Variants in CDK11A observed in about 807,000 individuals in gnomAD.
The protein encoded by CDK11A is cyclin dependent kinase 11A, also known as cyclin-dependent kinase 11A.
Under a neutral mutation model 83.6 loss-of-function variants are expected in CDK11A, and 55 were observed. The ratio of observed to expected loss-of-function variants is 0.66; its 90% CI spans 0.53 to 0.82. CDK11A has a LOEUF of 0.82. Ranked by LOEUF, CDK11A falls within the 40% of genes least tolerant of loss-of-function variation. CDK11A has a pLI of 0.00. For missense variants in CDK11A, 564 were observed against 810.1 expected (o/e 0.70, Z 3.69); for synonymous variants, 247 against 302.7 (o/e 0.82, Z 1.91).
In CDK11A at chr1:1,721,344, A is replaced by G. The variant is rs930564064; in HGVS notation, c.227+252T>C. Among the ~76,000 whole-genome samples the G allele has an allele frequency of 1.1e-4, 17 of 150,972 alleles. 1 individual carries two copies. Among genetic ancestry groups the G allele is most frequent in the Non-Finnish European group, 2.1e-4 (14 of 67,606 alleles). The stretch of plus-strand genomic sequence containing the variant: ...AAGAGTAAACCTCAATAGTTAAAAC[A>G]GCACACCCCGTCACAGTAGCCCTAG... On this transcript the variant is annotated intron_variant, in intron 3 of 19. Transcript: ENST00000404249.
chr1:1,704,512 C>G lies in CDK11A; in HGVS notation c.1564+38G>C, dbSNP rs200259170. 2,252 of 1,591,722 alleles carry G rather than the reference C, an allele frequency of 1.4e-3. 115 individuals are homozygous for G. The Middle Eastern group carries it at 0.021, about 15-fold the overall frequency. On this transcript the variant is annotated intron_variant, in intron 14 of 19. Transcript: ENST00000404249. ...GCGGGGGTGACCAGGACACTGCCCC[C>G]ACTTGTACGCAGACAGGACCCCGGG...
At chr1:1,714,882 G>A (rs1216018895) in intron 5 of CDK11A, among the ~76,000 whole-genome samples, 3 of 148,702 alleles carry the variant, frequency 2.0e-5, no homozygotes, top group East Asian at 2.0e-4. Flanking sequence ...GTCTTTGGCG[G>A]GATCACAGCT....
intron 3 of CDK11A, among the ~76,000 whole-genome samples, 183 bp from the exon 4 acceptor site, chr1:1,719,638 C>CGGAGTCTCGCTCTGTCACCCAGGCT (rs1553177797): frequency 0.019 from 2,670 of 137,294 alleles, 118 homozygotes; most frequent in African/African-American, 0.068. Flanking sequence ...TTTTTTTAGA[C>CGGAGTCTCGCTCTGTCACCCAGGCT]GGAGTCTCGC....
intron 3 of CDK11A, among the ~76,000 whole-genome samples, chr1:1,719,896 T>C (rs139126044): frequency 0.07 from 10,526 of 150,448 alleles, 1,418 homozygotes; most frequent in African/African-American, 0.24. Context: ...ATTACAGGCG[T>C]GAGCCACCGC....
chr1:1,720,898 C>A (rs1342640119), intron 3 of CDK11A, among the ~76,000 whole-genome samples: 1 of 151,088 alleles, frequency 6.6e-6, no homozygotes, highest in Non-Finnish European at 1.5e-5. Flanking sequence ...CACCAGTAAC[C>A]CTAGGAAAGA....
At position 1,718,287 on chromosome 1, in the gene CDK11A, C is replaced by G. The variant is rs1366503334; in HGVS notation, c.355+1041G>C. ...GCTCTCTCTGGTTTTCGGTCTGTGA[C>G]ACACGCATGCTTTCAGCTAGAGTAT... On this transcript the variant is annotated intron_variant, in intron 4 of 19. Coordinates refer to ENST00000404249, the MANE Select transcript of CDK11A (RefSeq NM_024011.4). Among the ~76,000 whole-genome samples, 45 of 147,680 alleles carry G rather than the reference C, an allele frequency of 3.0e-4. 3 individuals carry two copies. The highest frequency in any genetic ancestry group is 1.1e-3 in the African/African-American group (44 of 40,062).
At position 1,710,770 on chromosome 1, in the gene CDK11A, A is replaced by G. The variant is rs547385605; in HGVS notation, c.626-1130T>C. Among the ~76,000 whole-genome samples the G allele has an allele frequency of 2.2e-3, 321 of 143,616 alleles. 8 individuals are homozygous for G. The highest frequency in any genetic ancestry group is 0.019 in the Admixed American group (261 of 14,040). 94.2% of individuals were successfully genotyped at this position (143,616 alleles called of 152,430 possible). A position where few individuals can be genotyped will look rare whatever the true frequency, so the allele number is the denominator to read the frequency against. On this transcript the variant is annotated intron_variant, in intron 6 of 19. Transcript: ENST00000404249. ...AAAATGACGCGTGAACACGACGGAA[A>G]TATCAACAGAGACAGAAGATCCAAC...
chr1:1,706,175 C>T (rs1290262464), intron 11 of CDK11A, among the ~76,000 whole-genome samples: 1 of 150,296 alleles, frequency 6.7e-6, no homozygotes, highest in Admixed American at 6.6e-5. Flanking sequence ...TGGGTTCAGG[C>T]GATTCTCCTG....
intron 3 of CDK11A, 147 bp from the exon 4 acceptor site, chr1:1,719,602 C>T (rs567178780): frequency 7.2e-6 from 3 of 418,976 alleles, no homozygotes; most frequent in East Asian, 9.4e-5. Flanking sequence ...ATTAATTCTC[C>T]AACTTCAGGC....
chr1:1,714,804 C>T (rs1295545834), intron 5 of CDK11A, among the ~76,000 whole-genome samples: 5 of 137,234 alleles, frequency 3.6e-5, no homozygotes, highest in East Asian at 2.2e-4. Flanking sequence ...GGTCCTTTCA[C>T]GCAGCTGCAT....
chr1:1,705,557 C>T lies in CDK11A; in HGVS notation c.1336+85G>A, dbSNP rs559973766. 11 of 479,212 alleles carry T rather than the reference C, an allele frequency of 2.3e-5. 4 individuals are homozygous for T. Among genetic ancestry groups the T allele is most frequent in the East Asian group, 6.5e-5 (2 of 30,634 alleles). The allele number at this position is 479,212 out of a possible 1,614,324, so 29.7% of individuals were successfully genotyped here. ...ACCTCCAGTAGCTGCTCAGGTGAAG[C>T]GGGCCCAGGTGCAGTCGCAGCTCTC... On this transcript the variant is annotated intron_variant, in intron 12 of 19. Coordinates refer to ENST00000404249, the MANE Select transcript of CDK11A (RefSeq NM_024011.4).
intron 2 of CDK11A, chr1:1,722,500 C>T: frequency 3.5e-6 from 2 of 575,752 alleles, no homozygotes; most frequent in Non-Finnish European, 3.2e-6. Context: ...GTATTTTATT[C>T]TCCATGTATG....
chr1:1,703,690 C>G (rs946181851), intron 17 of CDK11A, 66 bp from the exon 18 acceptor site: 1 of 1,539,978 alleles, frequency 6.5e-7, no homozygotes, highest in Non-Finnish European at 8.8e-7. Context: ...TGTGTCCCGT[C>G]AGAGAAGACA....
intron 3 of CDK11A, 139 bp from the exon 4 acceptor site, chr1:1,719,594 T>A: frequency 1.7e-6 from 1 of 597,544 alleles, no homozygotes; most frequent in Non-Finnish European, 2.6e-6. Context: ...AAAATTACAT[T>A]AATTCTCCAA....
At chr1:1,716,855 A>G (rs1012067804) in intron 4 of CDK11A, among the ~76,000 whole-genome samples, 2 of 136,488 alleles carry the variant, frequency 1.5e-5, no homozygotes, top group South Asian at 2.4e-4. Flanking sequence ...AAAAAAAATC[A>G]CATGAAAATG....
At chr1:1,716,003 T>C (rs964434279) in intron 5 of CDK11A, among the ~76,000 whole-genome samples, 2 of 150,904 alleles carry the variant, frequency 1.3e-5, no homozygotes, top group Non-Finnish European at 3.0e-5. Flanking sequence ...CATAGCTTAC[T>C]GCAGCCTTGA....
chr1:1,712,986 CTT>C (rs374746062), intron 5 of CDK11A, among the ~76,000 whole-genome samples: 5 of 35,252 alleles, frequency 1.4e-4, no homozygotes, highest in East Asian at 6.5e-4. Context: ...TTGTTTCTAG[CTT>C]TTTTTTTTTT....
chr1:1,707,401 G>A lies in CDK11A; in HGVS notation c.1245+8C>T. The A allele has an allele frequency of 1.2e-6, 2 of 1,607,048 alleles. No individual in the cohort carries two copies. Among genetic ancestry groups the A allele is most frequent in the African/African-American group, 1.3e-5 (1 of 74,308 alleles). Reference sequence around the variant, plus strand: ...GGACAGCGGCCCGGGGCGAGGGGAGGGCCTGACCTGCAGGGCCGGCAGGTA... The same window carrying A: ...GGACAGCGGCCCGGGGCGAGGGGAGAGCCTGACCTGCAGGGCCGGCAGGTA... On this transcript the variant is annotated splice_region_variant and intron_variant, in intron 11 of 19. Transcript: ENST00000404249.
In CDK11A at chr1:1,703,501, C is replaced by A; in HGVS notation, c.2035G>T (p.Asp679Tyr). 2 of 1,539,562 alleles carry A rather than the reference C, an allele frequency of 1.3e-6. 1 individual carries two copies. The highest frequency in any genetic ancestry group is 1.7e-6 in the Non-Finnish European group (2 of 1,152,080). ...LRKRFGALLSDQGFDLMNKFL... is the reference protein window; with the variant it reads ...LRKRFGALLSYQGFDLMNKFL... The stretch of plus-strand genomic sequence containing the variant: ...TTGTTCATGAGGTCGAAGCCCTGGT[C>A]TGAGAGCAGAGCCCCGAAGCGCTTG... Residue 679 changes from aspartate to tyrosine, a missense_variant, in exon 18 of 20, where the codon GAC becomes TAC. Physicochemically the swap from Asp to Tyr is radical, Grantham distance 160. This residue lies in a region of CDK11A where 361 missense variants were observed against 402.7 expected (regional missense o/e 0.90). Coordinates refer to ENST00000404249, the MANE Select transcript of CDK11A (RefSeq NM_024011.4).
Sources: allele counts gnomAD v4.1 joint callset (sites outside exome capture counted in the v4.1 genomes callset), GRCh38; gene constraint gnomAD v4.1.1; regional missense constraint gnomAD v4.1.1; transcripts MANE v1.5; gene names NCBI Gene and HGNC (gene_info 2026-07-23, HGNC 2026-07-21).